SEC31A: variants seen among roughly 807,000 people sequenced by gnomAD.
The protein encoded by SEC31A is protein transport protein Sec31A.
In SEC31A, 70 loss-of-function variants were observed where a neutral mutation model predicts 151.0. The ratio of observed to expected loss-of-function variants is 0.46; its 90% CI spans 0.38 to 0.57. SEC31A has a LOEUF of 0.57. Among genes scored for constraint, SEC31A ranks in the 20% least tolerant of loss-of-function variants. The probability of loss-of-function intolerance (pLI) is 0.00; values close to 1 mark genes in which losing one functional copy is unlikely to be tolerated. For missense variants in SEC31A, 1,330 were observed against 1,471.2 expected (o/e 0.90, Z 1.57); for synonymous variants, 475 against 505.9 (o/e 0.94, Z 0.82).
rs1405947632 is a variant in SEC31A, at chr4:82,851,491, C to T, written c.2268G>A (p.Leu756=). 3.7e-6 allele frequency: 6 copies of T among 1,614,086 alleles called. No homozygotes were observed. The highest frequency in any genetic ancestry group is 4.5e-5 in the East Asian group (2 of 44,882). ...CAGCAATACTGCCCTGAGCTGCCAACAAATTGGCATACTGACTCATCTTCG... is the reference window on the plus strand; with the variant it reads ...CAGCAATACTGCCCTGAGCTGCCAATAAATTGGCATACTGACTCATCTTCG... ...LAAKMSQYAN[L]LAAQGSIAAA... is the part of the protein sequence containing the mutation. Residue 756 remains leucine (L), a synonymous_variant, in exon 19 of 27, where the codon TTG becomes TTA. Transcript: ENST00000395310.
At chr4:82,866,506 G>A (rs1735437998) in intron 10 of SEC31A, among the ~76,000 whole-genome samples, 1 of 151,740 alleles carries the variant, frequency 6.6e-6, no homozygotes, top group Non-Finnish European at 1.5e-5. Flanking sequence ...TGGAGGAGGG[G>A]AGGAATATAA....
intron 22 of SEC31A, among the ~76,000 whole-genome samples, chr4:82,838,745 T>C (rs962804812): frequency 3.9e-5 from 6 of 152,252 alleles, no homozygotes; most frequent in African/African-American, 1.2e-4. Context: ...TATCTCTGTC[T>C]GGGATAATTC....
At chr4:82,819,807 G>A (rs1241543730) in intron 26 of SEC31A, among the ~76,000 whole-genome samples, 1 of 151,918 alleles carries the variant, frequency 6.6e-6, no homozygotes, top group Non-Finnish European at 1.5e-5. Flanking sequence ...TGTCACCCAG[G>A]CTGGAGTACA....
At chr4:82,870,455 T>C (rs765062256) in intron 7 of SEC31A, 31 bp from the exon 8 acceptor site, 2 of 1,558,370 alleles carry the variant, frequency 1.3e-6, no homozygotes, top group Non-Finnish European at 1.8e-6. Flanking sequence ...CAAGGAAATT[T>C]TTAATCTTGA....
intron 22 of SEC31A, among the ~76,000 whole-genome samples, chr4:82,835,964 G>A (rs1251690889): frequency 2.0e-5 from 3 of 152,140 alleles, no homozygotes; most frequent in African/African-American, 7.2e-5. Context: ...AAACACTCGT[G>A]CATTCCTGGC....
At chr4:82,858,996 A>C (rs983127526) in intron 14 of SEC31A, among the ~76,000 whole-genome samples, 3 of 152,132 alleles carry the variant, frequency 2.0e-5, no homozygotes, top group Middle Eastern at 3.4e-3. Context: ...CCACCACGCC[A>C]GGCCGGAAAA....
intron 6 of SEC31A, 66 bp downstream of exon 6, chr4:82,874,545 C>T (rs1737493021): frequency 7.0e-7 from 1 of 1,423,200 alleles, no homozygotes; most frequent in Non-Finnish European, 9.4e-7. Flanking sequence ...TCAACTCTGA[C>T]AAACAATATA....
In SEC31A at chr4:82,827,488, G is replaced by A. The variant is rs1724869140; in HGVS notation, c.3172C>T (p.Pro1058Ser). The stretch of plus-strand genomic sequence containing the variant: ...ACGCCATGGAAGGGCTGGCCACCTG[G>A]AAGATGTGGCTGTGGGAATGAAGAC... ...SQSSFPQPHL[P>S]GGQPFHGVQQ... Residue 1058 changes from proline to serine, a missense_variant, in exon 24 of 27, where the codon CCA becomes TCA. Pro to Ser is a moderately conservative substitution (Grantham distance 74). Transcript: ENST00000395310. The A allele has an allele frequency of 6.2e-7, 1 of 1,614,092 alleles. No homozygotes were observed. Among genetic ancestry groups the A allele is most frequent in the Non-Finnish European group, 8.5e-7 (1 of 1,180,048 alleles).
chr4:82,900,414 G>A (rs1342314962), exon 1 of SEC31A: 1 of 232,798 alleles, frequency 4.3e-6, no homozygotes, highest in African/African-American at 2.3e-5. Context: ...CTCAATTTTG[G>A]TCCTGCCTCT....
intron 14 of SEC31A, among the ~76,000 whole-genome samples, chr4:82,858,382 A>G (rs1222935634): frequency 6.6e-6 from 1 of 151,612 alleles, no homozygotes; most frequent in Non-Finnish European, 1.5e-5. Context: ...CGTCTCTACT[A>G]AAAATACAAA....
At chr4:82,878,995 TTATACACTTAATTTTTAATGTTTTCA>T (rs1427910767) in intron 3 of SEC31A, 67 bp from the exon 4 acceptor site, 6 of 1,171,286 alleles carry the variant, frequency 5.1e-6, no homozygotes, top group Non-Finnish European at 4.9e-6. Flanking sequence ...AAAATTGAAA[TTATACACTTAATTTTTAATGTTTTCA>T]TAAACAATCC....
chr4:82,856,914 A>G (rs1034034697), intron 16 of SEC31A, 38 bp downstream of exon 16: 2 of 1,517,964 alleles, frequency 1.3e-6, no homozygotes, highest in African/African-American at 2.8e-5. Flanking sequence ...ATAATTAGAA[A>G]GATAAATACG....
intron 1 of SEC31A, among the ~76,000 whole-genome samples, chr4:82,888,227 C>A (rs4693526): frequency 6.7e-6 from 1 of 149,726 alleles, no homozygotes; most frequent in African/African-American, 2.5e-5. Flanking sequence ...AATACAAAAA[C>A]TAGCCGGGCG....
intron 8 of SEC31A, 53 bp downstream of exon 8, chr4:82,870,272 A>G: frequency 1.5e-6 from 2 of 1,372,476 alleles, no homozygotes; most frequent in Non-Finnish European, 2.1e-6. Context: ...TTATGTAGCC[A>G]GAAGTAACAT....
At chr4:82,856,619 C>T (rs572386781) in intron 16 of SEC31A, among the ~76,000 whole-genome samples, 45 of 151,934 alleles carry the variant, frequency 3.0e-4, no homozygotes, top group South Asian at 6.2e-4. Flanking sequence ...AGCATGGTGG[C>T]GGACGCCTGT....
intron 22 of SEC31A, among the ~76,000 whole-genome samples, chr4:82,834,752 C>T (rs1252303652): frequency 6.6e-6 from 1 of 152,098 alleles, no homozygotes; most frequent in South Asian, 2.1e-4. Context: ...AATTTTGTCT[C>T]AATTATAATT....
chr4:82,879,384 A>AG (rs1553936024), intron 3 of SEC31A, among the ~76,000 whole-genome samples: 27 of 149,848 alleles, frequency 1.8e-4, no homozygotes, highest in South Asian at 6.4e-4. Context: ...AAAAAAAAAA[A>AG]GGGGGGGTCA....
At chr4:82,891,579 T>C (rs1193753259), upstream of SEC31A, among the ~76,000 whole-genome samples, 2 of 152,256 alleles carry the variant, frequency 1.3e-5, no homozygotes, top group African/African-American at 4.8e-5. Flanking sequence ...AAAATCGGGC[T>C]GCAAGGGCTT....
intron 7 of SEC31A, 84 bp from the exon 8 acceptor site, chr4:82,870,508 C>T (rs1378309230): frequency 9.3e-7 from 1 of 1,070,892 alleles, no homozygotes; most frequent in African/African-American, 1.6e-5. Flanking sequence ...TTTGTAGATT[C>T]ACACATTGTT....
Sources: allele counts gnomAD v4.1 joint callset (sites outside exome capture counted in the v4.1 genomes callset), GRCh38; gene constraint gnomAD v4.1.1; transcripts MANE v1.5; gene names NCBI Gene and HGNC (gene_info 2026-07-23, HGNC 2026-07-21).